Variants in NDST1 observed in about 807,000 individuals in gnomAD.
NDST1 encodes N-deacetylase and N-sulfotransferase 1.
NDST1 carries 35 observed loss-of-function variants against 92.8 expected under a neutral mutation model. The observed-to-expected ratio is 0.38, with a 90% CI of 0.29 to 0.50. The LOEUF is 0.50. NDST1 is among the 20% of genes least tolerant of loss of function. The pLI is 0.94. For synonymous variants in NDST1, 493 were observed against 500.3 expected (o/e 0.99, Z 0.19); for missense variants, 822 against 1,182.7 (o/e 0.69, Z 4.47).
At chr5:150,549,879 AAGTT>A (rs150277646) in intron 13 of NDST1, 92 bp downstream of exon 13, 26,299 of 786,554 alleles carry the variant, frequency 0.033, 1,374 homozygotes, top group East Asian at 0.19. Context: ...TGAGAGAGAG[AAGTT>A]AGTTAGAGTC....
chr5:150,543,809 T>A (rs1755353635), intron 10 of NDST1, among the ~76,000 whole-genome samples: 1 of 151,594 alleles, frequency 6.6e-6, no homozygotes, highest in Non-Finnish European at 1.5e-5. Flanking sequence ...AGATGGAATC[T>A]CGCTCTGTCA....
Position 150,555,098 on chromosome 5 carries a change from A to G in NDST1, c.*1766A>G, listed in dbSNP as rs1359318904. On this transcript the variant is annotated 3_prime_UTR_variant, in exon 15 of 15. Transcript: ENST00000261797. ...CAGCTGGGAGCAGGGCTGAGCGTTGAACCCGAGGCTCCCGGTTCCAAGTCC... is the reference window on the plus strand; with the variant it reads ...CAGCTGGGAGCAGGGCTGAGCGTTGGACCCGAGGCTCCCGGTTCCAAGTCC... 3 of 152,728 alleles carry G rather than the reference A, an allele frequency of 2.0e-5. No individual in the cohort carries two copies. Among genetic ancestry groups the G allele is most frequent in the African/African-American group, 7.2e-5 (3 of 41,440 alleles). The allele number at this position is 152,728 out of a possible 1,614,324, so 9.5% of individuals were successfully genotyped here.
At chr5:150,520,000 T>C (rs1754170692) in intron 1 of NDST1, among the ~76,000 whole-genome samples, 1 of 152,096 alleles carries the variant, frequency 6.6e-6, no homozygotes, top group South Asian at 2.1e-4. Context: ...CTGCATCCTG[T>C]GGTGGCAGTA....
At chr5:150,508,419 G>C (rs574224029) in intron 1 of NDST1, among the ~76,000 whole-genome samples, 193 bp downstream of exon 1, 1 of 152,172 alleles carries the variant, frequency 6.6e-6, no homozygotes, top group East Asian at 1.9e-4. Flanking sequence ...CTTCATTCCA[G>C]ATCAGAAGCA....
chr5:150,541,615 A>G lies in NDST1; in HGVS notation c.1795A>G (p.Lys599Glu). ...TCACAAAGACATCTGGTCCAAGGAG[A>G]AGACGTGTGACCGCTTCCCAAAGCT... Reference protein sequence around the residue: ...KRHKDIWSKEKTCDRFPKLLI... With the variant: ...KRHKDIWSKEETCDRFPKLLI... Residue 599 changes from lysine to glutamate, a missense_variant, in exon 9 of 15, where the codon AAG becomes GAG. Transcript: ENST00000261797. 1 of 1,614,114 alleles carries G rather than the reference A, an allele frequency of 6.2e-7. No homozygotes were observed. The highest frequency in any genetic ancestry group is 8.5e-7 in the Non-Finnish European group (1 of 1,180,018).
chr5:150,543,069 C>G, intron 10 of NDST1, 98 bp downstream of exon 10: 2 of 1,487,608 alleles, frequency 1.3e-6, no homozygotes, highest in South Asian at 1.1e-5. Context: ...GGAGCTTGCT[C>G]ACACACAGCT....
In NDST1 at chr5:150,521,577, G is replaced by A. The variant is rs757083883; in HGVS notation, c.323G>A (p.Arg108His). 2.4e-5 allele frequency: 38 copies of A among 1,613,886 alleles called. No homozygotes were observed. Among genetic ancestry groups the A allele is most frequent in the Admixed American group, 3.3e-5 (2 of 59,996 alleles). ...QEVVAILESS[R>H]FKYRTEIAPG... ...GTGGTGGCCATCCTGGAGTCCAGCC[G>A]CTTCAAATACCGCACAGAGATTGCG... Residue 108 changes from arginine (R) to histidine (H), a missense_variant, in exon 2 of 15, where the codon CGC becomes CAC. Arg to His is a conservative substitution (Grantham distance 29). Transcript: ENST00000261797. The surrounding 1 kb of genome is among the most constrained non-coding windows in gnomAD (Gnocchi z 5.9).
Position 150,558,117 on chromosome 5 carries a change from C to T in NDST1, c.*4785C>T, listed in dbSNP as rs1001105178. The T allele has an allele frequency of 2.0e-5, 3 of 152,474 alleles. No homozygotes were observed. Among genetic ancestry groups the T allele is most frequent in the South Asian group, 2.1e-4 (1 of 4,820 alleles). 9.4% of individuals were successfully genotyped at this position (152,474 alleles called of 1,614,324 possible). A position where few individuals can be genotyped will look rare whatever the true frequency, so the allele number is the denominator to read the frequency against. On this transcript the variant is annotated 3_prime_UTR_variant, in exon 15 of 15. Transcript: ENST00000261797. ...ATCCAGTTCGCCTGATGAGGGCTCT[C>T]GAACCAGCCGTTTTGGGTTGTGTTA...
chr5:150,510,115 C>G (rs748053348), intron 1 of NDST1, among the ~76,000 whole-genome samples: 1 of 152,170 alleles, frequency 6.6e-6, no homozygotes, highest in Non-Finnish European at 1.5e-5. Flanking sequence ...TGTGTGACTT[C>G]GAGCGGTTGC....
At chr5:150,525,480 C>G (rs548006055) in intron 2 of NDST1, among the ~76,000 whole-genome samples, 1 of 152,196 alleles carries the variant, frequency 6.6e-6, no homozygotes, top group Non-Finnish European at 1.5e-5. Context: ...AGTTCCCAGC[C>G]TTGGTCAGGG....
At position 150,521,733 on chromosome 5, in the gene NDST1, T is replaced by G. The variant is rs1754244281; in HGVS notation, c.479T>G (p.Val160Gly). 6.2e-7 allele frequency: 1 copy of G among 1,613,828 alleles called. No homozygotes were observed. Among genetic ancestry groups the G allele is most frequent in the African/African-American group, 1.3e-5 (1 of 74,926 alleles). ...WNRELLDKYC[V>G]AYGVGIIGFF... ...CGGGAGCTGCTGGACAAGTACTGTGTGGCCTACGGCGTGGGCATCATTGGC... is the reference window on the plus strand; with the variant it reads ...CGGGAGCTGCTGGACAAGTACTGTGGGGCCTACGGCGTGGGCATCATTGGC... Residue 160 changes from valine (V) to glycine (G), a missense_variant, in exon 2 of 15, where the codon GTG becomes GGG. By Grantham distance (109) the Val-to-Gly change is moderately radical (BLOSUM62 -3). Transcript: ENST00000261797. The surrounding 1 kb of genome is among the most constrained non-coding windows in gnomAD (Gnocchi z 5.9).
At chr5:150,539,847 C>G (rs959464535) in intron 7 of NDST1, 1 of 919,560 alleles carries the variant, frequency 1.1e-6, no homozygotes, top group Non-Finnish European at 1.3e-6. Flanking sequence ...CCAAATAGCT[C>G]CCACATTGGG....
upstream of NDST1, among the ~76,000 whole-genome samples, chr5:150,504,819 G>C (rs1356198081): frequency 6.6e-6 from 1 of 152,222 alleles, no homozygotes; most frequent in Non-Finnish European, 1.5e-5. Flanking sequence ...CTGGTACCAA[G>C]TAAACTCTCA....
At chr5:150,498,089 G>C (rs1240865169) in exon 1 of NDST1, 1 of 152,722 alleles carries the variant, frequency 6.5e-6, no homozygotes, top group Non-Finnish European at 1.5e-5. Flanking sequence ...TGACGGGGCC[G>C]TGTGCACTGC....
intron 1 of NDST1, chr5:150,498,256 G>A (rs1415512730): frequency 6.6e-6 from 1 of 152,380 alleles, no homozygotes; most frequent in African/African-American, 2.4e-5. Flanking sequence ...TACTTTGTCT[G>A]TGCTTCCTCA....
chr5:150,558,008 G>C lies in NDST1; in HGVS notation c.*4676G>C, dbSNP rs1755908199. 6.9e-6 allele frequency: 1 copy of C among 144,708 alleles called. No individual in the cohort carries two copies. Among genetic ancestry groups the C allele is most frequent in the Non-Finnish European group, 1.5e-5 (1 of 65,454 alleles). 9.0% of individuals were successfully genotyped at this position (144,708 alleles called of 1,614,324 possible). ...TCCTGGGAGAGGAGAGGGCCGACTG[G>C]AGAGGGTGGGGGGCACACTGGGGAA... On this transcript the variant is annotated 3_prime_UTR_variant, in exon 15 of 15. Transcript: ENST00000261797.
chr5:150,540,649 C>T (rs1329187424), intron 8 of NDST1, among the ~76,000 whole-genome samples: 1 of 152,086 alleles, frequency 6.6e-6, no homozygotes, highest in African/African-American at 2.4e-5. Context: ...AACCCTGTCT[C>T]TACAAAAAAT....
Position 150,556,092 on chromosome 5 carries a change from T to G in NDST1, c.*2760T>G, listed in dbSNP as rs1019284421. On this transcript the variant is annotated 3_prime_UTR_variant, in exon 15 of 15. Transcript: ENST00000261797. ...CCCTCCCGAGAAGAGAAGCCACAGA[T>G]GAGTGGGCCAGCGAGGCCAGTCTTC... is the stretch of plus-strand genomic sequence containing the variant. 2 of 152,080 alleles carry G rather than the reference T, an allele frequency of 1.3e-5. No individual in the cohort carries two copies. Among genetic ancestry groups the G allele is most frequent in the Non-Finnish European group, 2.9e-5 (2 of 68,024 alleles). The allele number at this position is 152,080 out of a possible 1,614,324, so 9.4% of individuals were successfully genotyped here.
In NDST1 at chr5:150,554,012, G is replaced by A. The variant is rs1010646880; in HGVS notation, c.*680G>A. On this transcript the variant is annotated 3_prime_UTR_variant, in exon 15 of 15. Coordinates refer to ENST00000261797, the MANE Select transcript of NDST1 (RefSeq NM_001543.5). ...GCCTTGCCATCGGGCCCAGTTCTCC[G>A]GGCCCCACCTGCACCCCTTTCTTCC... 6.9e-5 allele frequency: 28 copies of A among 407,856 alleles called. No individual in the cohort carries two copies. The highest frequency in any genetic ancestry group is 1.8e-4 in the African/African-American group (9 of 48,766). The allele number at this position is 407,856 out of a possible 1,614,324, so 25.3% of individuals were successfully genotyped here.
Sources: allele counts gnomAD v4.1 joint callset (sites outside exome capture counted in the v4.1 genomes callset), GRCh38; gene constraint gnomAD v4.1.1; non-coding constraint Gnocchi (gnomAD v3.1); transcripts MANE v1.5; gene names NCBI Gene and HGNC (gene_info 2026-07-23, HGNC 2026-07-21).